GFRA2: variants seen among roughly 807,000 people sequenced by gnomAD.
GFRA2 encodes GDNF family receptor alpha-2.
Under a neutral mutation model 48.3 loss-of-function variants are expected in GFRA2, and 17 were observed. The ratio of observed to expected loss-of-function variants is 0.35; its 90% CI spans 0.24 to 0.53. The LOEUF (loss-of-function observed/expected upper bound fraction) is 0.53, where lower values mean the gene tolerates loss of function less well. Ranked by LOEUF, GFRA2 falls within the 20% of genes least tolerant of loss-of-function variation. The probability of loss-of-function intolerance (pLI) is 0.93; values close to 1 mark genes in which losing one functional copy is unlikely to be tolerated. For missense variants in GFRA2, 660 were observed against 637.3 expected (o/e 1.04, Z -0.38); for synonymous variants, 305 against 257.2 (o/e 1.19, Z -1.78).
At chr8:21,810,879 G>A (rs921486391) in intron 1 of GFRA2, among the ~76,000 whole-genome samples, 7 of 152,146 alleles carry the variant, frequency 4.6e-5, no homozygotes, top group Non-Finnish European at 1.5e-5. Context: ...CCACAACCAG[G>A]CCACCAGCCT....
At chr8:21,775,240 TA>T (rs2117708555) in intron 2 of GFRA2, among the ~76,000 whole-genome samples, 185 bp from the exon 3 acceptor site, 1 of 152,292 alleles carries the variant, frequency 6.6e-6, no homozygotes, top group Non-Finnish European at 1.5e-5. Context: ...ACGAAATGTT[TA>T]GCATTTCATC....
chr8:21,788,528 G>C lies in GFRA2; in HGVS notation c.-369C>G, dbSNP rs919290482. On this transcript the variant is annotated 5_prime_UTR_variant, in exon 1 of 9. Coordinates refer to ENST00000524240, the MANE Select transcript of GFRA2 (RefSeq NM_001495.5). ...CCAATTCCCCTGCGCTTCCCAGGAG[G>C]GGCCTGGGGAGGTGGGGAGAGAGGC... The C allele has an allele frequency of 9.7e-7, 1 of 1,034,400 alleles. No homozygotes were observed. Among genetic ancestry groups the C allele is most frequent in the Non-Finnish European group, 1.2e-6 (1 of 862,722 alleles). 64.1% of individuals were successfully genotyped at this position (1,034,400 alleles called of 1,614,324 possible). A position where few individuals can be genotyped will look rare whatever the true frequency, so the allele number is the denominator to read the frequency against.
chr8:21,788,021 C>CCCG, intron 1 of GFRA2, 99 bp downstream of exon 1: 1 of 641,320 alleles, frequency 1.6e-6, no homozygotes, highest in Non-Finnish European at 2.5e-6. Flanking sequence ...GCGCGCTCTC[C>CCCG]CCGCCGACCT....
At chr8:21,712,812 C>T (rs1227369163) in intron 4 of GFRA2, among the ~76,000 whole-genome samples, 2 of 152,192 alleles carry the variant, frequency 1.3e-5, no homozygotes, top group African/African-American at 4.8e-5. Context: ...GGAGACCAGC[C>T]CGGCCAACAC....
chr8:21,810,293 A>C (rs548504754), intron 1 of GFRA2, among the ~76,000 whole-genome samples: 4 of 152,064 alleles, frequency 2.6e-5, no homozygotes, highest in African/African-American at 9.6e-5. Flanking sequence ...ACAACATGCA[A>C]TCCTTCCCCA....
At chr8:21,784,306 C>T (rs1225151425) in intron 1 of GFRA2, 5 of 456,130 alleles carry the variant, frequency 1.1e-5, no homozygotes, top group Admixed American at 7.0e-5. Flanking sequence ...AGGAAAAGCC[C>T]GCACCATGGC....
chr8:21,777,358 G>A (rs1056477285), intron 2 of GFRA2, among the ~76,000 whole-genome samples: 21 of 149,730 alleles, frequency 1.4e-4, no homozygotes, highest in Middle Eastern at 3.4e-3. Context: ...TGCATCTAGC[G>A]CAGCCATGGG....
At chr8:21,694,297 T>A (rs1802046883) in intron 8 of GFRA2, among the ~76,000 whole-genome samples, 167 bp downstream of exon 8, 1 of 151,392 alleles carries the variant, frequency 6.6e-6, no homozygotes, top group Non-Finnish European at 1.5e-5. Context: ...GCCTTCGCAC[T>A]CCCCCACCCC....
chr8:21,730,162 T>C (rs1042707102), intron 4 of GFRA2, among the ~76,000 whole-genome samples: 8 of 151,940 alleles, frequency 5.3e-5, no homozygotes, highest in African/African-American at 1.9e-4. Context: ...CCCAGCACTT[T>C]GGGAGGCTGA....
At chr8:21,700,474 C>A (rs1292462352) in intron 7 of GFRA2, among the ~76,000 whole-genome samples, 2 of 152,180 alleles carry the variant, frequency 1.3e-5, no homozygotes, top group Non-Finnish European at 2.9e-5. Flanking sequence ...CACTGAACAG[C>A]CCCACTCCCA....
intron 1 of GFRA2, among the ~76,000 whole-genome samples, chr8:21,809,964 G>T (rs1807947389): frequency 6.6e-6 from 1 of 152,132 alleles, no homozygotes; most frequent in African/African-American, 2.4e-5. Context: ...ACCAGATGTT[G>T]CTTCTCCTAC....
Position 21,699,312 on chromosome 8 carries a change from G to A in GFRA2, c.1218+3493C>T, listed in dbSNP as rs376129894. ...AGAGGTGGCCGCTGGCTGCAGAGTC[G>A]GCTGCAGGCATGCAGTGAGGGGGGC... On this transcript the variant is annotated intron_variant, in intron 7 of 8. Coordinates refer to ENST00000524240, the MANE Select transcript of GFRA2 (RefSeq NM_001495.5). 4.3e-4 allele frequency among the ~76,000 whole-genome samples: 65 copies of A among 152,352 alleles called. No homozygotes were observed. The East Asian group carries it at 8.9e-3, about 21-fold the overall frequency.
intron 4 of GFRA2, among the ~76,000 whole-genome samples, chr8:21,711,438 GTGGATCTGTC>G (rs1803017463): frequency 6.6e-6 from 1 of 152,184 alleles, no homozygotes; most frequent in Non-Finnish European, 1.5e-5. Flanking sequence ...AGGGCAGCAG[GTGGATCTGTC>G]TGGAAAACAC....
intron 2 of GFRA2, among the ~76,000 whole-genome samples, chr8:21,799,499 A>T (rs1807735106): frequency 6.6e-6 from 1 of 152,190 alleles, no homozygotes; most frequent in South Asian, 2.1e-4. Flanking sequence ...CCCAGCCCTG[A>T]CCAGAGGATT....
chr8:21,716,376 C>CT (rs1415193876), intron 4 of GFRA2, among the ~76,000 whole-genome samples: 2 of 152,124 alleles, frequency 1.3e-5, no homozygotes, highest in Admixed American at 1.3e-4. Flanking sequence ...GCATGACCTC[C>CT]TTTGTCCAGG....
At chr8:21,716,528 AG>A (rs1325855922) in intron 4 of GFRA2, among the ~76,000 whole-genome samples, 1 of 152,054 alleles carries the variant, frequency 6.6e-6, no homozygotes, top group East Asian at 1.9e-4. Flanking sequence ...TAGGCAGGCA[AG>A]GGGGCCCCTG....
chr8:21,701,121 G>A (rs374152814), intron 7 of GFRA2, among the ~76,000 whole-genome samples: 36 of 152,218 alleles, frequency 2.4e-4, no homozygotes, highest in Admixed American at 4.6e-4. Context: ...TGTGCCGGGC[G>A]CGGGGGCTCA....
chr8:21,743,872 T>A (rs1470987926), intron 4 of GFRA2, among the ~76,000 whole-genome samples: 1 of 152,158 alleles, frequency 6.6e-6, no homozygotes, highest in Non-Finnish European at 1.5e-5. Context: ...TCCTATGCTT[T>A]GAGAGATCAA....
At chr8:21,761,366 AAAC>A (rs1163417173) in intron 3 of GFRA2, among the ~76,000 whole-genome samples, 1 of 152,256 alleles carries the variant, frequency 6.6e-6, no homozygotes, top group Non-Finnish European at 1.5e-5. Context: ...GATCACAAGT[AAAC>A]AGATGGAAAC....
Sources: gnomAD v4.1 joint callset for allele counts (sites outside exome capture counted in the v4.1 genomes callset) on GRCh38, gnomAD v4.1.1 for gene constraint, MANE v1.5 for transcripts, NCBI Gene and HGNC (gene_info 2026-07-23, HGNC 2026-07-21) for gene names.